CADM2: variants seen among roughly 807,000 people sequenced by gnomAD.
CADM2 encodes the protein immunoglobulin superfamily member 4D.
Under a neutral mutation model 49.8 loss-of-function variants are expected in CADM2, and 12 were observed. That is an observed-to-expected ratio of 0.24 (90% CI 0.15 to 0.39). The LOEUF is 0.39. CADM2 is among the 10% of genes least tolerant of loss of function. CADM2 has a pLI of 1.00. For synonymous variants in CADM2, 214 were observed against 175.4 expected, an observed-to-expected ratio of 1.22 and a Z score of -1.74; for missense variants, 378 against 492.3, an observed-to-expected ratio of 0.77 and a Z score of 2.20.
chr3:85,132,715 T>C (rs1460516342), intron 1 of CADM2, among the ~76,000 whole-genome samples: 2 of 152,098 alleles, frequency 1.3e-5, no homozygotes, highest in Non-Finnish European at 2.9e-5. Flanking sequence ...GAGGTATCAT[T>C]TAGACATGTT....
chr3:85,515,344 G>C (rs1160226347), intron 1 of CADM2, among the ~76,000 whole-genome samples: 1 of 151,032 alleles, frequency 6.6e-6, no homozygotes, highest in African/African-American at 2.4e-5. Flanking sequence ...ATCTTTTTTT[G>C]ATGTTAACAA....
intron 1 of CADM2, among the ~76,000 whole-genome samples, chr3:85,297,849 G>A (rs1430672045): frequency 6.6e-6 from 1 of 151,958 alleles, no homozygotes; most frequent in Non-Finnish European, 1.5e-5. Context: ...TCAAGGGCAA[G>A]GAATTTGTCC....
rs879004835 is a variant in CADM2 at position 85,726,465 on chromosome 3, T to C, written c.62-57T>C. 3 of 1,589,828 alleles carry C rather than the reference T, an allele frequency of 1.9e-6. No homozygotes were observed. In the African/African-American group the frequency reaches 4.0e-5, roughly 21 times the overall value. ...ACATCTCTGCTTTCTTACTAGAGAA[T>C]CTGTCTAATATCTAATATGTTTGTT... On this transcript the variant is annotated intron_variant, in intron 1 of 9. Coordinates refer to ENST00000383699, the MANE Select transcript of CADM2 (RefSeq NM_001167675.2).
chr3:85,225,127 A>G lies in CADM2; in HGVS notation c.61+265459A>G, dbSNP rs181485764. The stretch of plus-strand genomic sequence containing the variant: ...ATGAACTTTAAAGTAGTTTTCCCCA[A>G]TTCTATGAAGGAAGTCAGTGGTAGC... On this transcript the variant is annotated intron_variant, in intron 1 of 9. Transcript: ENST00000383699. Among the ~76,000 whole-genome samples, 21 of 152,210 alleles carry G rather than the reference A, an allele frequency of 1.4e-4. No individual in the cohort carries two copies. In the East Asian group the frequency reaches 1.9e-3, roughly 14 times the overall value.
At position 85,200,330 on chromosome 3, in the gene CADM2, G is replaced by A. The variant is rs754161369; in HGVS notation, c.61+240662G>A. ...ATTAAGGTACTGTTTCTGGTAAACC[G>A]TTTCCACTCATTCGGTGAGATCTTG... is the stretch of plus-strand genomic sequence containing the variant. On this transcript the variant is annotated intron_variant, in intron 1 of 9. Transcript: ENST00000383699. Among the ~76,000 whole-genome samples the A allele has an allele frequency of 1.2e-4, 18 of 151,938 alleles. 1 individual carries two copies. The highest frequency in any genetic ancestry group is 2.4e-4 in the African/African-American group (10 of 41,414).
intron 5 of CADM2, among the ~76,000 whole-genome samples, chr3:85,909,266 G>A (rs566384897): frequency 1.3e-5 from 2 of 152,180 alleles, no homozygotes; most frequent in African/African-American, 4.8e-5. Flanking sequence ...AGTAGGAGGA[G>A]TGGTTATGTG....
At chr3:85,448,711 C>A (rs941856728) in intron 1 of CADM2, among the ~76,000 whole-genome samples, 11 of 151,924 alleles carry the variant, frequency 7.2e-5, no homozygotes, top group African/African-American at 2.7e-4. Flanking sequence ...AGGCACCAGT[C>A]GTCTCAGTAC....
chr3:85,515,299 G>C (rs1337357857), intron 1 of CADM2, among the ~76,000 whole-genome samples: 1 of 151,966 alleles, frequency 6.6e-6, no homozygotes, highest in Non-Finnish European at 1.5e-5. Flanking sequence ...AGTTAACAAA[G>C]ATAACATCGC....
intron 1 of CADM2, among the ~76,000 whole-genome samples, chr3:85,629,168 A>G (rs147926230): frequency 7.3e-4 from 111 of 151,940 alleles, no homozygotes; most frequent in African/African-American, 2.6e-3. Context: ...TTTAAGTAAT[A>G]TTTTAAAGTA....
At chr3:85,728,170 A>G (rs776341385) in intron 2 of CADM2, among the ~76,000 whole-genome samples, 4 of 152,186 alleles carry the variant, frequency 2.6e-5, no homozygotes, top group Non-Finnish European at 4.4e-5. Context: ...TATTACAGGT[A>G]TCTGTCAAGT....
chr3:85,585,158 A>G (rs1281906034), intron 1 of CADM2, among the ~76,000 whole-genome samples: 3 of 151,954 alleles, frequency 2.0e-5, no homozygotes, highest in Non-Finnish European at 4.4e-5. Flanking sequence ...TTGGTCCAGC[A>G]TATCCACTCT....
chr3:85,511,252 AAAC>A (rs2040604573), intron 1 of CADM2, among the ~76,000 whole-genome samples: 1 of 152,108 alleles, frequency 6.6e-6, no homozygotes, highest in South Asian at 2.1e-4. Flanking sequence ...ATGCTCTGTA[AAAC>A]AGAACAATTT....
intron 2 of CADM2, among the ~76,000 whole-genome samples, chr3:85,753,165 G>A (rs1209131843): frequency 1.3e-5 from 2 of 152,118 alleles, no homozygotes; most frequent in Non-Finnish European, 1.5e-5. Flanking sequence ...GACAGCAGAT[G>A]TATGGTTCGT....
At chr3:85,603,010 T>A (rs1286042237) in intron 1 of CADM2, among the ~76,000 whole-genome samples, 1 of 151,882 alleles carries the variant, frequency 6.6e-6, no homozygotes, top group Non-Finnish European at 1.5e-5. Flanking sequence ...ACCCCCTATG[T>A]ACACCAGGTT....
intron 3 of CADM2, among the ~76,000 whole-genome samples, chr3:85,852,593 C>G (rs376313036): frequency 7.9e-5 from 12 of 151,944 alleles, no homozygotes; most frequent in African/African-American, 2.9e-4. Context: ...AAAAATGTAT[C>G]AGTATACAAG....
chr3:85,849,549 T>G (rs1031692591), intron 3 of CADM2, among the ~76,000 whole-genome samples: 1 of 152,216 alleles, frequency 6.6e-6, no homozygotes, highest in Non-Finnish European at 1.5e-5. Context: ...ATCGTGAATG[T>G]AACACAATTA....
chr3:85,071,906 G>T (rs2036759893), intron 1 of CADM2, among the ~76,000 whole-genome samples: 1 of 151,244 alleles, frequency 6.6e-6, no homozygotes, highest in Non-Finnish European at 1.5e-5. Context: ...CATTCTGGTT[G>T]TTATTTTTAT....
At chr3:85,133,967 G>A (rs1054690800) in intron 1 of CADM2, among the ~76,000 whole-genome samples, 5 of 152,028 alleles carry the variant, frequency 3.3e-5, no homozygotes, top group African/African-American at 4.8e-5. Context: ...GGGATGGGAG[G>A]CTCAGGCATG....
intron 1 of CADM2, among the ~76,000 whole-genome samples, chr3:85,160,175 G>A (rs1234080227): frequency 7.9e-5 from 12 of 152,072 alleles, no homozygotes; most frequent in Admixed American, 6.6e-4. Context: ...CTTTCTAAAT[G>A]AGGGTTTTCA....
Sources: gnomAD v4.1 joint callset for allele counts (sites outside exome capture counted in the v4.1 genomes callset) on GRCh38, gnomAD v4.1.1 for gene constraint, MANE v1.5 for transcripts, NCBI Gene and HGNC (gene_info 2026-07-23, HGNC 2026-07-21) for gene names.